The following DUSP14 variants were observed in gnomAD, a reference collection of about 807,000 sequenced individuals.
DUSP14 encodes the protein dual specificity protein phosphatase 14.
Under a neutral mutation model 13.2 loss-of-function variants are expected in DUSP14, and 5 were observed. The observed-to-expected ratio is 0.38, with a 90% CI of 0.20 to 0.80. The LOEUF is 0.80. Ranked by LOEUF, DUSP14 falls within the 30% of genes least tolerant of loss-of-function variation. The pLI, the probability that DUSP14 is intolerant of heterozygous loss-of-function variation, is 0.44. For synonymous variants in DUSP14, 91 were observed against 103.4 expected, an observed-to-expected ratio of 0.88 and a Z score of 0.73; for missense variants, 185 against 264.0, an observed-to-expected ratio of 0.70 and a Z score of 2.07.
chr17:37,512,434 C>T lies in DUSP14; in HGVS notation c.162C>T (p.Thr54=). The T allele has an allele frequency of 6.2e-7, 1 of 1,614,200 alleles. No homozygotes were observed. The highest frequency in any genetic ancestry group is 8.5e-7 in the Non-Finnish European group (1 of 1,180,046). ...ACCTCCTCCAGGCTCGTGGCATCAC[C>T]TGCATTGTTAATGCTACCATTGAGA... ...NRHLLQARGI[T]CIVNATIEIP... The change falls in exon 3 of 3, where the codon ACC becomes ACT. Residue 54 remains threonine, a synonymous_variant. Transcript: ENST00000617516. The surrounding 1 kb of genome is among the most constrained non-coding windows in gnomAD (Gnocchi z 4.8).
intron 1 of DUSP14, among the ~76,000 whole-genome samples, chr17:37,496,072 A>C (rs1009718533): frequency 3.3e-5 from 5 of 152,252 alleles, no homozygotes; most frequent in Non-Finnish European, 7.3e-5. Flanking sequence ...TTTAGCTAAA[A>C]TCTAAATCTT....
chr17:37,498,316 T>G (rs1454037405), intron 1 of DUSP14, among the ~76,000 whole-genome samples: 1 of 15,654 alleles, frequency 6.4e-5, no homozygotes. Flanking sequence ...GATTGTATCT[T>G]TTTTTTTTTT....
At chr17:37,494,677 C>A (rs940276858) in intron 1 of DUSP14, among the ~76,000 whole-genome samples, 1 of 152,092 alleles carries the variant, frequency 6.6e-6, no homozygotes, top group South Asian at 2.1e-4. Flanking sequence ...TGAGGGCAGC[C>A]GTTAAATTCA....
chr17:37,493,994 CTTT>C (rs1250993098), intron 1 of DUSP14, among the ~76,000 whole-genome samples: 3 of 140,114 alleles, frequency 2.1e-5, no homozygotes, highest in Admixed American at 7.1e-5. Context: ...CTCTTTTAAA[CTTT>C]TTTTTTTTTT....
intron 1 of DUSP14, among the ~76,000 whole-genome samples, chr17:37,495,321 C>T (rs911386921): frequency 2.0e-5 from 3 of 152,186 alleles, no homozygotes; most frequent in Admixed American, 1.3e-4. Flanking sequence ...ACCAGAGGTC[C>T]GGTTGGGTCA....
rs760134690 is a variant in DUSP14 at position 37,512,253 on chromosome 17, G to A, written c.-20G>A. 11 of 1,572,598 alleles carry A rather than the reference G, an allele frequency of 7.0e-6. No homozygotes were observed. The highest frequency in any genetic ancestry group is 1.7e-4 in the Middle Eastern group (1 of 5,876). ...TCTGGTCTTGCCGCCAACGATGCAA[G>A]TGTGACTGCTGGCGTCTTCATGAGC... On this transcript the variant is annotated 5_prime_UTR_variant, in exon 3 of 3. The change creates a new upstream start codon in the 5' untranslated region. Coordinates refer to ENST00000617516, the MANE Select transcript of DUSP14 (RefSeq NM_007026.4). This position sits in a 1 kb window ranked among gnomAD's most constrained non-coding sequence, Gnocchi z 4.8.
intron 1 of DUSP14, among the ~76,000 whole-genome samples, chr17:37,508,524 A>G (rs2054152416): frequency 6.6e-6 from 1 of 152,124 alleles, no homozygotes; most frequent in Admixed American, 6.5e-5. Context: ...ACTTGAGGTC[A>G]GGAGTTTGAG....
intron 1 of DUSP14, among the ~76,000 whole-genome samples, chr17:37,506,669 TG>T (rs1254749429): frequency 1.3e-5 from 2 of 152,146 alleles, no homozygotes; most frequent in East Asian, 3.9e-4. Flanking sequence ...ATAATACCCA[TG>T]GGTTTTTTAT....
intron 1 of DUSP14, among the ~76,000 whole-genome samples, chr17:37,492,125 C>T (rs571955293): frequency 2.0e-5 from 3 of 152,230 alleles, no homozygotes; most frequent in African/African-American, 7.2e-5. Flanking sequence ...TCCTGATAGA[C>T]GGTGTTACTT....
At chr17:37,497,937 T>C (rs528100238) in intron 1 of DUSP14, among the ~76,000 whole-genome samples, 8 of 151,716 alleles carry the variant, frequency 5.3e-5, no homozygotes, top group Admixed American at 1.3e-4. Context: ...CCCCAGCTAC[T>C]CAGGAGGCAG....
At chr17:37,491,990 T>C (rs1421152548) in intron 1 of DUSP14, among the ~76,000 whole-genome samples, 2 of 152,258 alleles carry the variant, frequency 1.3e-5, no homozygotes, top group Admixed American at 1.3e-4. Flanking sequence ...AATGTCCGTT[T>C]GCACAAAGTG....
chr17:37,512,599 G>A lies in DUSP14; in HGVS notation c.327G>A (p.Val109=). 1 of 1,614,130 alleles carries A rather than the reference G, an allele frequency of 6.2e-7. No individual in the cohort carries two copies. The change falls in exon 3 of 3, where the codon GTG becomes GTA. Residue 109 remains valine, a synonymous_variant. Coordinates refer to ENST00000617516, the MANE Select transcript of DUSP14 (RefSeq NM_007026.4). The surrounding 1 kb of genome is among the most constrained non-coding windows in gnomAD (Gnocchi z 4.8). ...GCAGGAAGCACGGGGCCACCTTGGT[G>A]CACTGTGCTGCAGGGGTGAGCCGCT... ...SVSRKHGATL[V]HCAAGVSRSA...
At chr17:37,511,938 C>CCTTT (rs1568206074) in intron 2 of DUSP14, among the ~76,000 whole-genome samples, 2 of 38,248 alleles carry the variant, frequency 5.2e-5, no homozygotes, top group African/African-American at 1.0e-4. Context: ...CCCCACCCCA[C>CCTTT]TTTTTTTTTT....
At chr17:37,491,936 T>G (rs1344009364) in intron 1 of DUSP14, among the ~76,000 whole-genome samples, 1 of 152,240 alleles carries the variant, frequency 6.6e-6, no homozygotes, top group Non-Finnish European at 1.5e-5. Context: ...TGCATCTTGA[T>G]CGGTTTGTGT....
chr17:37,512,900 C>T lies in DUSP14; in HGVS notation c.*31C>T, dbSNP rs771254913. On this transcript the variant is annotated 3_prime_UTR_variant, in exon 3 of 3. Coordinates refer to ENST00000617516, the MANE Select transcript of DUSP14 (RefSeq NM_007026.4). This position sits in a 1 kb window ranked among gnomAD's most constrained non-coding sequence, Gnocchi z 4.8. ...CTGAAGCCTGCGTCAGCAGCCCGAG[C>T]GGGGCCGGCATCTGCTCCCCGCCGT... 9.6e-6 allele frequency: 15 copies of T among 1,560,332 alleles called. No homozygotes were observed. The highest frequency in any genetic ancestry group is 1.7e-4 in the Middle Eastern group (1 of 5,884).
At chr17:37,505,035 G>T (rs1490937781) in intron 1 of DUSP14, among the ~76,000 whole-genome samples, 1 of 152,144 alleles carries the variant, frequency 6.6e-6, no homozygotes, top group Non-Finnish European at 1.5e-5. Flanking sequence ...GGGATTCCAG[G>T]TGCACACCAC....
intron 1 of DUSP14, chr17:37,509,962 TAGA>T (rs758301364): frequency 6.6e-6 from 1 of 152,046 alleles, no homozygotes; most frequent in Non-Finnish European, 1.5e-5. Flanking sequence ...GAACAGGTGG[TAGA>T]AGAACACATT....
chr17:37,511,937 A>AGTTTTTTGTTTTTTTTT (rs1329764853), intron 2 of DUSP14, among the ~76,000 whole-genome samples: 8 of 16,440 alleles, frequency 4.9e-4, no homozygotes, highest in Non-Finnish European at 6.9e-4. Context: ...CCCCCACCCC[A>AGTTTTTTGTTTTTTTTT]CTTTTTTTTT....
rs1280766832 is a variant in DUSP14, at chr17:37,490,273, G to C, written c.-181+315G>C. ...GTCCCTGTGCCCCGGGGCTCCAGCA[G>C]CCTCGGCCGCGCCTCCTCCGTCGCC... On this transcript the variant is annotated intron_variant, in intron 1 of 2. Coordinates refer to ENST00000617516, the MANE Select transcript of DUSP14 (RefSeq NM_007026.4). Among the ~76,000 whole-genome samples, 7 of 152,110 alleles carry C rather than the reference G, an allele frequency of 4.6e-5. No individual in the cohort carries two copies. The East Asian group carries it at 7.8e-4, about 17-fold the overall frequency.
Sources: gnomAD v4.1 joint callset for allele counts (sites outside exome capture counted in the v4.1 genomes callset) on GRCh38, gnomAD v4.1.1 for gene constraint, Gnocchi (gnomAD v3.1) non-coding constraint, MANE v1.5 for transcripts, NCBI Gene and HGNC (gene_info 2026-07-23, HGNC 2026-07-21) for gene names.